Variants in ZNF12 observed in about 807,000 individuals in gnomAD.
The protein encoded by ZNF12 is gonadotropin inducible transcription repressor 3.
Under a neutral mutation model 66.6 loss-of-function variants are expected in ZNF12, and 34 were observed. That is an observed-to-expected ratio of 0.51 (90% CI 0.39 to 0.68). The LOEUF is 0.68. Ranked by LOEUF, ZNF12 falls within the 30% of genes least tolerant of loss-of-function variation. The probability of loss-of-function intolerance (pLI) is 0.00; values close to 1 mark genes in which losing one functional copy is unlikely to be tolerated. For synonymous variants in ZNF12, 320 were observed against 278.9 expected, an observed-to-expected ratio of 1.15 and a Z score of -1.47; for missense variants, 697 against 826.9, an observed-to-expected ratio of 0.84 and a Z score of 1.93.
Position 6,697,551 on chromosome 7 carries a change from T to A in ZNF12, c.143-117A>T. 1 of 1,530,544 alleles carries A rather than the reference T, an allele frequency of 6.5e-7. No individual in the cohort carries two copies. The highest frequency in any genetic ancestry group is 8.9e-7 in the Non-Finnish European group (1 of 1,119,950). 94.8% of individuals were successfully genotyped at this position (1,530,544 alleles called of 1,614,324 possible). Reference sequence around the variant, plus strand: ...AAATCAGAACTTTTCACGGGGGAGATCAAGACCAAAATGCCCTGCCTGGTG... The same window carrying A: ...AAATCAGAACTTTTCACGGGGGAGAACAAGACCAAAATGCCCTGCCTGGTG... On this transcript the variant is annotated intron_variant, in intron 3 of 4. Coordinates refer to ENST00000405858, the MANE Select transcript of ZNF12 (RefSeq NM_016265.4). The surrounding 1 kb of genome is among the most constrained non-coding windows in gnomAD (Gnocchi z 6.1).
At chr7:6,694,321 C>G (rs1780120887) in intron 4 of ZNF12, among the ~76,000 whole-genome samples, 1 of 152,144 alleles carries the variant, frequency 6.6e-6, no homozygotes, top group South Asian at 2.1e-4. Context: ...ACGATATCAA[C>G]CGTAACCCCT....
intron 2 of ZNF12, among the ~76,000 whole-genome samples, chr7:6,699,006 C>T (rs17789828): frequency 0.086 from 13,076 of 152,292 alleles, 648 homozygotes; most frequent in Middle Eastern, 0.15. Flanking sequence ...TGCTGACTTT[C>T]TACTGTGGCT....
Position 6,705,076 on chromosome 7 carries a change from T to C in ZNF12, c.15+83A>G. 3 of 1,500,510 alleles carry C rather than the reference T, an allele frequency of 2.0e-6. No individual in the cohort carries two copies. The highest frequency in any genetic ancestry group is 2.7e-6 in the Non-Finnish European group (3 of 1,108,648). 92.9% of individuals were successfully genotyped at this position (1,500,510 alleles called of 1,614,324 possible). ...TCTTGTATCTATTTCTACTTTCCCA[T>C]TTTAAACTTTGAACCCTTAATCTCC... On this transcript the variant is annotated intron_variant, in intron 2 of 4. Coordinates refer to ENST00000405858, the MANE Select transcript of ZNF12 (RefSeq NM_016265.4). This position sits in a 1 kb window ranked among gnomAD's most constrained non-coding sequence, Gnocchi z 4.0.
Position 6,697,522 on chromosome 7 carries a change from A to C in ZNF12, c.143-88T>G. The stretch of plus-strand genomic sequence containing the variant: ...ACAGGGAAAATTCCATTTGTGTCTT[A>C]TCAAAATCAGAACTTTTCACGGGGG... On this transcript the variant is annotated intron_variant, in intron 3 of 4. Transcript: ENST00000405858. This position sits in a 1 kb window ranked among gnomAD's most constrained non-coding sequence, Gnocchi z 6.1. The C allele has an allele frequency of 6.5e-7, 1 of 1,531,242 alleles. No homozygotes were observed. The highest frequency in any genetic ancestry group is 8.9e-7 in the Non-Finnish European group (1 of 1,121,140). 94.9% of individuals were successfully genotyped at this position (1,531,242 alleles called of 1,614,324 possible).
rs536624875 is a variant in ZNF12, at chr7:6,694,837, G to C, written c.239-2134C>G. Among the ~76,000 whole-genome samples the C allele has an allele frequency of 5.3e-5, 8 of 152,172 alleles. No homozygotes were observed. The East Asian group carries it at 1.2e-3, about 22-fold the overall frequency. Reference sequence around the variant, plus strand: ...CTTGAAGTTGAGAATACTGTCTATAGAATCATTTTAATACAAAGTGACTCA... The same window carrying C: ...CTTGAAGTTGAGAATACTGTCTATACAATCATTTTAATACAAAGTGACTCA... On this transcript the variant is annotated intron_variant, in intron 4 of 4. Transcript: ENST00000405858.
In ZNF12 at chr7:6,705,884, G is replaced by A. The variant is rs1780347408; in HGVS notation, c.-51+548C>T. Among the ~76,000 whole-genome samples, 1 of 152,178 alleles carries A rather than the reference G, an allele frequency of 6.6e-6. No homozygotes were observed. Among genetic ancestry groups the A allele is most frequent in the Admixed American group, 6.5e-5 (1 of 15,280 alleles). On this transcript the variant is annotated intron_variant, in intron 1 of 4. Coordinates refer to ENST00000405858, the MANE Select transcript of ZNF12 (RefSeq NM_016265.4). This position sits in a 1 kb window ranked among gnomAD's most constrained non-coding sequence, Gnocchi z 4.0. Reference sequence around the variant, plus strand: ...TCTTTATTTGCAGAAACTTCAGTGTGCTACTCAAAAGGATCTTTTATTGAA... The same window carrying A: ...TCTTTATTTGCAGAAACTTCAGTGTACTACTCAAAAGGATCTTTTATTGAA...
chr7:6,702,303 A>AACACACACACACACACACACACAC (rs35642461), intron 2 of ZNF12, among the ~76,000 whole-genome samples: 36 of 122,920 alleles, frequency 2.9e-4, no homozygotes, highest in African/African-American at 9.3e-4. Context: ...AAACTCCACA[A>AACACACACACACACACACACACAC]ACACACACAC....
At chr7:6,703,878 G>C (rs1340854298) in intron 2 of ZNF12, among the ~76,000 whole-genome samples, 1 of 152,254 alleles carries the variant, frequency 6.6e-6, no homozygotes, top group Non-Finnish European at 1.5e-5. Context: ...TGTCCACTAA[G>C]AGCATGTGCT....
At position 6,692,412 on chromosome 7, in the gene ZNF12, T is replaced by C. The variant is rs1780086353; in HGVS notation, c.530A>G (p.His177Arg). 6.2e-7 allele frequency: 1 copy of C among 1,613,242 alleles called. No homozygotes were observed. Among genetic ancestry groups the C allele is most frequent in the South Asian group, 1.1e-5 (1 of 90,856 alleles). The part of the protein sequence containing the change: ...ECSGCGKSLL[H>R]IKLEKTHPGD... ...TGGATGAGTTTTCTCAAGCTTAATA[T>C]GGAGGAGTGATTTCCCACATCCACT... The change falls in exon 5 of 5, where the codon CAT becomes CGT. Residue 177 changes from histidine (H) to arginine (R), a missense_variant. His to Arg is a conservative substitution (Grantham distance 29). Transcript: ENST00000405858. This position sits in a 1 kb window ranked among gnomAD's most constrained non-coding sequence, Gnocchi z 5.1.
At chr7:6,702,325 C>CACACACA (rs58794992) in intron 2 of ZNF12, among the ~76,000 whole-genome samples, 1 of 10,656 alleles carries the variant, frequency 9.4e-5, no homozygotes, top group African/African-American at 3.0e-4. Flanking sequence ...CACACACACA[C>CACACACA]CAGATTCGTC....
At chr7:6,699,194 T>C (rs1319730313) in intron 2 of ZNF12, among the ~76,000 whole-genome samples, 1 of 152,118 alleles carries the variant, frequency 6.6e-6, no homozygotes. Flanking sequence ...AGGAATGGTG[T>C]AGAAGGTGTG....
chr7:6,698,096 C>A lies in ZNF12; in HGVS notation c.16-285G>T. On this transcript the variant is annotated intron_variant, in intron 2 of 4. Coordinates refer to ENST00000405858, the MANE Select transcript of ZNF12 (RefSeq NM_016265.4). This position sits in a 1 kb window ranked among gnomAD's most constrained non-coding sequence, Gnocchi z 4.4. ...TAACACCAGCAGGGACGAATCTCAC[C>A]CCTGAGGAGCACAGGCCTGGGGACA... 1.6e-6 allele frequency: 1 copy of A among 606,692 alleles called. No individual in the cohort carries two copies. Among genetic ancestry groups the A allele is most frequent in the Non-Finnish European group, 3.1e-6 (1 of 321,904 alleles). The allele number at this position is 606,692 out of a possible 1,614,324, so 37.6% of individuals were successfully genotyped here.
At chr7:6,701,193 C>T (rs771679369) in intron 2 of ZNF12, among the ~76,000 whole-genome samples, 1 of 152,134 alleles carries the variant, frequency 6.6e-6, no homozygotes, top group Non-Finnish European at 1.5e-5. Context: ...TCAGAGTTTC[C>T]CAGGCATTGA....
chr7:6,695,421 A>G (rs1780140258), intron 4 of ZNF12, among the ~76,000 whole-genome samples: 1 of 151,774 alleles, frequency 6.6e-6, no homozygotes, highest in Non-Finnish European at 1.5e-5. Flanking sequence ...GGGTTTCACT[A>G]TGTTACCCAG....
In ZNF12 at chr7:6,690,576, T is replaced by G. The variant is rs772068404; in HGVS notation, c.*272A>C. 4 of 307,404 alleles carry G rather than the reference T, an allele frequency of 1.3e-5. No homozygotes were observed. Among genetic ancestry groups the G allele is most frequent in the Non-Finnish European group, 2.4e-5 (4 of 167,564 alleles). The allele number at this position is 307,404 out of a possible 1,614,324, so 19.0% of individuals were successfully genotyped here. On this transcript the variant is annotated 3_prime_UTR_variant, in exon 5 of 5. Transcript: ENST00000405858. ...TTCCCCTTGGCTATGATTTCCCTGA[T>G]ATGCAAAACAGTTCCAATCCATGGT...
rs759777772 is a variant in ZNF12 at position 6,697,435 on chromosome 7, C to G, written c.143-1G>C. ...ACATCCGGTTTGATAATGTGATACC[C>G]TGTTAATGAGAAATGAAAGAGAACT... is the stretch of plus-strand genomic sequence containing the variant. On this transcript the variant is annotated splice_acceptor_variant, in intron 3 of 4. Transcript: ENST00000405858. LOFTEE classifies it high-confidence loss of function. This position sits in a 1 kb window ranked among gnomAD's most constrained non-coding sequence, Gnocchi z 6.1. The G allele has an allele frequency of 1.9e-6, 3 of 1,610,390 alleles. No individual in the cohort carries two copies. Among genetic ancestry groups the G allele is most frequent in the Non-Finnish European group, 2.5e-6 (3 of 1,178,240 alleles).
rs1780106793 is a variant in ZNF12, at chr7:6,693,552, T to C, written c.239-849A>G. Among the ~76,000 whole-genome samples, 3 of 152,336 alleles carry C rather than the reference T, an allele frequency of 2.0e-5. No homozygotes were observed. The South Asian group carries it at 6.2e-4, about 32-fold the overall frequency. ...ATTCTACTTGTTCCTATTTGAACAG[T>C]ATATTTAATAGCATGAATTCTGGTG... On this transcript the variant is annotated intron_variant, in intron 4 of 4. Transcript: ENST00000405858.
At chr7:6,700,334 C>T (rs11771109) in intron 2 of ZNF12, among the ~76,000 whole-genome samples, 2 of 136,898 alleles carry the variant, frequency 1.5e-5, no homozygotes, top group Admixed American at 7.1e-5. Context: ...CACACACACA[C>T]ACATATATAT....
chr7:6,701,431 G>C (rs1780241262), intron 2 of ZNF12, among the ~76,000 whole-genome samples: 1 of 152,176 alleles, frequency 6.6e-6, no homozygotes, highest in Non-Finnish European at 1.5e-5. Flanking sequence ...CAGAACAGCA[G>C]GTGTCTGTGT....
Sources: gnomAD v4.1 joint callset for allele counts (sites outside exome capture counted in the v4.1 genomes callset) on GRCh38, gnomAD v4.1.1 for gene constraint, Gnocchi (gnomAD v3.1) non-coding constraint, MANE v1.5 for transcripts, NCBI Gene and HGNC (gene_info 2026-07-23, HGNC 2026-07-21) for gene names.